Variants in TMEM108 observed in about 807,000 individuals in gnomAD.
TMEM108 encodes the protein transmembrane protein 108, also known as cancer/testis antigen 124.
A neutral mutation model predicts 35.1 loss-of-function variants in TMEM108; 12 were observed. That is an observed-to-expected ratio of 0.34 (90% CI 0.22 to 0.55). The LOEUF (loss-of-function observed/expected upper bound fraction) is 0.55. Among genes scored for constraint, TMEM108 ranks in the 20% least tolerant of loss-of-function variants. TMEM108 has a pLI of 0.89. For synonymous variants in TMEM108, 287 were observed against 308.6 expected, an observed-to-expected ratio of 0.93 and a Z score of 0.73; for missense variants, 680 against 753.3, an observed-to-expected ratio of 0.90 and a Z score of 1.14.
chr3:133,343,967 A>G (rs1402334853), intron 3 of TMEM108, among the ~76,000 whole-genome samples: 2 of 151,908 alleles, frequency 1.3e-5, no homozygotes, highest in Non-Finnish European at 2.9e-5. Flanking sequence ...CAACCAAACC[A>G]TATCAAAAAT....
intron 2 of TMEM108, among the ~76,000 whole-genome samples, chr3:133,153,365 C>T (rs746794982): frequency 6.6e-6 from 1 of 152,136 alleles, no homozygotes; most frequent in Non-Finnish European, 1.5e-5. Flanking sequence ...ATACCTACAA[C>T]ATTTAGTGAG....
chr3:133,394,307 C>G (rs75416513), intron 5 of TMEM108, among the ~76,000 whole-genome samples: 1 of 152,244 alleles, frequency 6.6e-6, no homozygotes, highest in East Asian at 1.9e-4. Context: ...GCCCTGCCCC[C>G]ACTGCTGTGT....
intron 2 of TMEM108, among the ~76,000 whole-genome samples, chr3:133,111,770 T>TA (rs1944227591): frequency 6.6e-6 from 1 of 152,190 alleles, no homozygotes; most frequent in Non-Finnish European, 1.5e-5. Context: ...CTTCATACCT[T>TA]ACAGTCTAAG....
chr3:133,049,541 G>T (rs552523105), intron 2 of TMEM108, among the ~76,000 whole-genome samples: 63 of 152,188 alleles, frequency 4.1e-4, no homozygotes, highest in African/African-American at 1.4e-3. Context: ...TTGAGTTTTG[G>T]GCTTCTCCAT....
Position 133,380,586 on chromosome 3 carries a change from C to G in TMEM108, c.875C>G (p.Thr292Ser). The G allele has an allele frequency of 6.2e-7, 1 of 1,613,170 alleles. No homozygotes were observed. Among genetic ancestry groups the G allele is most frequent in the Non-Finnish European group, 8.5e-7 (1 of 1,179,484 alleles). The change falls in exon 4 of 6, where the codon ACC becomes AGC. Residue 292 changes from threonine to serine, a missense_variant. Physicochemically the swap from Thr to Ser is moderately conservative, Grantham distance 58. Coordinates refer to ENST00000321871, the MANE Select transcript of TMEM108 (RefSeq NM_023943.4). This position sits in a 1 kb window ranked among gnomAD's most constrained non-coding sequence, Gnocchi z 5.3. ...GCCCAGGGGGGTGGTTCTACCTTCACCAGCCAAGGAGGGACACCAGATGCC... is the reference window on the plus strand; with the variant it reads ...GCCCAGGGGGGTGGTTCTACCTTCAGCAGCCAAGGAGGGACACCAGATGCC... ...RAAQGGGSTF[T>S]SQGGTPDATA...
intron 3 of TMEM108, among the ~76,000 whole-genome samples, chr3:133,309,625 G>A (rs1291967230): frequency 6.8e-6 from 1 of 146,640 alleles, no homozygotes; most frequent in Non-Finnish European, 1.5e-5. Context: ...GTACCCAGTA[G>A]TCATTCAGGA....
At chr3:133,245,556 A>G (rs768824340) in intron 3 of TMEM108, among the ~76,000 whole-genome samples, 1 of 152,074 alleles carries the variant, frequency 6.6e-6, no homozygotes. Flanking sequence ...AAATTATACA[A>G]TTTTTTTTGT....
intron 3 of TMEM108, among the ~76,000 whole-genome samples, chr3:133,267,363 C>G (rs995734883): frequency 1.3e-5 from 2 of 152,086 alleles, no homozygotes; most frequent in African/African-American, 4.8e-5. Context: ...AGCGGAGAGG[C>G]GTCTGCTCAA....
chr3:133,269,762 T>C (rs1946745857), intron 3 of TMEM108, among the ~76,000 whole-genome samples: 2 of 152,220 alleles, frequency 1.3e-5, no homozygotes, highest in African/African-American at 4.8e-5. Context: ...AGACTGCCAG[T>C]AATTACAGAG....
intron 3 of TMEM108, among the ~76,000 whole-genome samples, chr3:133,300,166 C>G (rs1947199848): frequency 6.6e-6 from 1 of 151,976 alleles, no homozygotes; most frequent in Admixed American, 6.6e-5. Flanking sequence ...GCAAGAATAC[C>G]CTGTGGCTGG....
chr3:133,153,871 A>G (rs1431516066), intron 2 of TMEM108, among the ~76,000 whole-genome samples: 8 of 152,134 alleles, frequency 5.3e-5, no homozygotes, highest in African/African-American at 1.9e-4. Flanking sequence ...GTGATGGAAA[A>G]GGGAAGCACA....
chr3:133,111,351 A>G (rs1056768319), intron 2 of TMEM108, among the ~76,000 whole-genome samples: 8 of 152,174 alleles, frequency 5.3e-5, no homozygotes, highest in Non-Finnish European at 7.3e-5. Context: ...CTCTGGCTTC[A>G]GTGATGATTT....
chr3:133,236,296 C>T (rs1429341242), intron 3 of TMEM108, among the ~76,000 whole-genome samples: 11 of 150,434 alleles, frequency 7.3e-5, no homozygotes, highest in Admixed American at 7.3e-4. Flanking sequence ...ACTCAGATAA[C>T]TGTCTGTAGG....
intron 4 of TMEM108, chr3:133,387,366 A>AT: frequency 2.0e-6 from 2 of 985,450 alleles, no homozygotes; most frequent in Non-Finnish European, 2.4e-6. Context: ...AGTAAATGAA[A>AT]TGGTGTTTGA....
intron 2 of TMEM108, among the ~76,000 whole-genome samples, chr3:133,115,690 T>C (rs558205840): frequency 6.6e-6 from 1 of 152,356 alleles, no homozygotes; most frequent in East Asian, 1.9e-4. Flanking sequence ...AAATAATACA[T>C]GTTTTTTCTT....
At chr3:133,244,109 A>T (rs949836526) in intron 3 of TMEM108, among the ~76,000 whole-genome samples, 5 of 152,164 alleles carry the variant, frequency 3.3e-5, no homozygotes, top group Admixed American at 6.5e-5. Context: ...CGGATCTCTC[A>T]GTCATTGGTT....
At chr3:133,304,669 T>C (rs1428245162) in intron 3 of TMEM108, among the ~76,000 whole-genome samples, 1 of 152,196 alleles carries the variant, frequency 6.6e-6, no homozygotes, top group African/African-American at 2.4e-5. Context: ...TTATAGCCTG[T>C]ATCAAAATTT....
chr3:133,246,167 C>T (rs1269159173), intron 3 of TMEM108: 1 of 152,190 alleles, frequency 6.6e-6, no homozygotes, highest in Non-Finnish European at 1.5e-5. Flanking sequence ...TTTAATAATT[C>T]ACTTCCTCAG....
At chr3:133,308,908 A>C (rs1011599356) in intron 3 of TMEM108, among the ~76,000 whole-genome samples, 1 of 152,126 alleles carries the variant, frequency 6.6e-6, no homozygotes, top group African/African-American at 2.4e-5. Context: ...CTCTTTTTCT[A>C]TTGATTGGAA....
Sources: allele counts gnomAD v4.1 joint callset (sites outside exome capture counted in the v4.1 genomes callset), GRCh38; gene constraint gnomAD v4.1.1; non-coding constraint Gnocchi (gnomAD v3.1); transcripts MANE v1.5; gene names NCBI Gene and HGNC (gene_info 2026-07-23, HGNC 2026-07-21).